The following BORCS5 variants were observed in gnomAD, a reference collection of about 807,000 sequenced individuals.
BORCS5 encodes the protein BLOC-1 related complex subunit 5.
BORCS5 carries 17 observed loss-of-function variants against 22.1 expected under a neutral mutation model. The observed-to-expected ratio is 0.77, with a 90% CI of 0.53 to 1.15. BORCS5 has a LOEUF of 1.15. Ranked by LOEUF, BORCS5 falls within the 50% of genes most tolerant of loss-of-function variation. The pLI, the probability that BORCS5 is intolerant of heterozygous loss-of-function variation, is 0.00. For missense variants in BORCS5, 247 were observed against 253.2 expected, an observed-to-expected ratio of 0.98 and a Z score of 0.17; for synonymous variants, 117 against 99.8, an observed-to-expected ratio of 1.17 and a Z score of -1.03.
chr12:12,357,110 C>T lies in BORCS5; in HGVS notation c.-342C>T. 1 of 1,534,582 alleles carries T rather than the reference C, an allele frequency of 6.5e-7. No homozygotes were observed. Among genetic ancestry groups the T allele is most frequent in the South Asian group, 1.2e-5 (1 of 84,000 alleles). ...TCCCGGAAGGAGCGAGCTTGCGGAG[C>T]GTGAACCAGTGAGTGAAAGCGGCGC... On this transcript the variant is annotated 5_prime_UTR_variant, in exon 1 of 4. Coordinates refer to ENST00000314565, the MANE Select transcript of BORCS5 (RefSeq NM_058169.6).
intron 2 of BORCS5, among the ~76,000 whole-genome samples, chr12:12,403,723 G>A (rs561334678): frequency 6.6e-6 from 1 of 152,230 alleles, no homozygotes; most frequent in African/African-American, 2.4e-5. Flanking sequence ...CCCTCCCTCA[G>A]CCCTGGGATT....
At chr12:12,401,418 T>G (rs1324300870) in intron 2 of BORCS5, among the ~76,000 whole-genome samples, 1 of 152,226 alleles carries the variant, frequency 6.6e-6, no homozygotes, top group Non-Finnish European at 1.5e-5. Context: ...TTAATTTTCT[T>G]ATACCATGCT....
rs16907975 is a variant in BORCS5 at position 12,368,372 on chromosome 12, G to A, written c.202+7023G>A. Among the ~76,000 whole-genome samples, 1,477 of 151,454 alleles carry A rather than the reference G, an allele frequency of 9.8e-3. 9 individuals carry two copies. The highest frequency in any genetic ancestry group is 0.017 in the Non-Finnish European group (1,137 of 67,898). ...TTTTGGAAAAACAAGATTCTAAGGC[G>A]CTTTAAGTATTCTGAAATGTAGCCA... On this transcript the variant is annotated intron_variant, in intron 2 of 3. Coordinates refer to ENST00000314565, the MANE Select transcript of BORCS5 (RefSeq NM_058169.6).
intron 2 of BORCS5, among the ~76,000 whole-genome samples, chr12:12,420,024 T>C (rs1379139724): frequency 1.3e-5 from 2 of 152,078 alleles, no homozygotes; most frequent in Admixed American, 6.6e-5. Flanking sequence ...TAGTTTCTTT[T>C]GCTGTGCAGA....
chr12:12,359,767 A>G (rs909482135), intron 1 of BORCS5, among the ~76,000 whole-genome samples: 14 of 152,018 alleles, frequency 9.2e-5, no homozygotes, highest in African/African-American at 3.4e-4. Flanking sequence ...CTTACTAAAC[A>G]TAGCTGGCTT....
rs1943221447 is a variant in BORCS5 at position 12,467,431 on chromosome 12, G to A, written c.*1655G>A. On this transcript the variant is annotated 3_prime_UTR_variant, in exon 4 of 4. Transcript: ENST00000314565. ...CTGCAGCTGTTAGTGGCTGGCACAG[G>A]GCAGGATGGCAGACCTAGTGCAGCA... 1 of 152,230 alleles carries A rather than the reference G, an allele frequency of 6.6e-6. No individual in the cohort carries two copies. 9.4% of individuals were successfully genotyped at this position (152,230 alleles called of 1,614,324 possible).
intron 2 of BORCS5, among the ~76,000 whole-genome samples, chr12:12,430,472 T>C (rs2136118397): frequency 6.6e-6 from 1 of 152,248 alleles, no homozygotes; most frequent in East Asian, 1.9e-4. Flanking sequence ...TTAAGATGTG[T>C]TCGGCCATAT....
At chr12:12,415,443 G>A (rs1160407991) in intron 2 of BORCS5, among the ~76,000 whole-genome samples, 5 of 124,550 alleles carry the variant, frequency 4.0e-5, no homozygotes, top group South Asian at 2.6e-4. Context: ...GCAGGCACTC[G>A]GCAGGCTGAG....
intron 2 of BORCS5, among the ~76,000 whole-genome samples, chr12:12,420,935 TAAG>T (rs1942103772): frequency 6.6e-6 from 1 of 152,244 alleles, no homozygotes. Context: ...CTTATCAGCT[TAAG>T]GAGATTTGGG....
intron 3 of BORCS5, among the ~76,000 whole-genome samples, chr12:12,445,315 A>G (rs1366895049): frequency 6.6e-6 from 1 of 152,122 alleles, no homozygotes; most frequent in Admixed American, 6.5e-5. Flanking sequence ...TGCTGGGATT[A>G]CAGGTGCGAG....
At chr12:12,457,073 T>G (rs1455446752) in intron 3 of BORCS5, among the ~76,000 whole-genome samples, 1 of 152,238 alleles carries the variant, frequency 6.6e-6, no homozygotes. Flanking sequence ...AAAAGAGGTT[T>G]CTAGACAGAG....
intron 3 of BORCS5, among the ~76,000 whole-genome samples, chr12:12,451,929 TAAAAA>T (rs34066948): frequency 7.5e-6 from 1 of 134,038 alleles, no homozygotes; most frequent in African/African-American, 2.8e-5. Context: ...AAAAAAAAAT[TAAAAA>T]AAAAAAAAAA....
rs1316185987 is a variant in BORCS5, at chr12:12,413,557, G to A, written c.203-22071G>A. ...TCCTGCCTTTCTATTCCACAAAACC[G>A]CCATTGTCATCATGGCCCATCCCCA... On this transcript the variant is annotated intron_variant, in intron 2 of 3. Transcript: ENST00000314565. Among the ~76,000 whole-genome samples the A allele has an allele frequency of 5.6e-5, 8 of 143,920 alleles. 1 individual carries two copies. In the East Asian group the frequency reaches 1.4e-3, roughly 25 times the overall value. 94.4% of individuals were successfully genotyped at this position (143,920 alleles called of 152,430 possible).
chr12:12,406,691 A>G (rs956972554), intron 2 of BORCS5, among the ~76,000 whole-genome samples: 10 of 152,182 alleles, frequency 6.6e-5, no homozygotes, highest in African/African-American at 1.2e-4. Flanking sequence ...TGTTAACCAT[A>G]TAAAAATAAC....
At chr12:12,455,102 C>T (rs1942974911) in intron 3 of BORCS5, among the ~76,000 whole-genome samples, 1 of 152,198 alleles carries the variant, frequency 6.6e-6, no homozygotes, top group African/African-American at 2.4e-5. Flanking sequence ...TGAATTGTTA[C>T]TTTTCCATTT....
chr12:12,358,710 A>G lies in BORCS5; in HGVS notation c.58+1201A>G, dbSNP rs1196956896. Among the ~76,000 whole-genome samples the G allele has an allele frequency of 2.0e-5, 3 of 152,198 alleles. No homozygotes were observed. The East Asian group carries it at 5.8e-4, about 29-fold the overall frequency. Reference sequence around the variant, plus strand: ...TACATTTACATATAATTTTTGCAGTAATCCCATTTTACAGATAAAGTAGTA... The same window carrying G: ...TACATTTACATATAATTTTTGCAGTGATCCCATTTTACAGATAAAGTAGTA... On this transcript the variant is annotated intron_variant, in intron 1 of 3. Coordinates refer to ENST00000314565, the MANE Select transcript of BORCS5 (RefSeq NM_058169.6).
chr12:12,394,385 T>C (rs1941279981), intron 2 of BORCS5, among the ~76,000 whole-genome samples: 2 of 152,016 alleles, frequency 1.3e-5, no homozygotes, highest in Admixed American at 1.3e-4. Context: ...AAGGGCTTCC[T>C]GTTATTAAAA....
chr12:12,385,079 G>A (rs1394379302), intron 2 of BORCS5, among the ~76,000 whole-genome samples: 1 of 151,398 alleles, frequency 6.6e-6, no homozygotes, highest in Non-Finnish European at 1.5e-5. Context: ...CACATTCAAA[G>A]TTCAGGCCAT....
intron 3 of BORCS5, among the ~76,000 whole-genome samples, chr12:12,458,297 G>C (rs1322592887): frequency 2.6e-5 from 4 of 152,136 alleles, no homozygotes; most frequent in Non-Finnish European, 4.4e-5. Context: ...TTTTCCCTGA[G>C]CCTCTAACCC....
Sources: gnomAD v4.1 joint callset for allele counts (sites outside exome capture counted in the v4.1 genomes callset) on GRCh38, gnomAD v4.1.1 for gene constraint, MANE v1.5 for transcripts, NCBI Gene and HGNC (gene_info 2026-07-23, HGNC 2026-07-21) for gene names.